SLC45A4: variants seen among roughly 807,000 people sequenced by gnomAD.
The protein encoded by SLC45A4 is polyamine-transporter SLC45A4.
SLC45A4 carries 32 observed loss-of-function variants against 63.7 expected under a neutral mutation model. The ratio of observed to expected loss-of-function variants is 0.50; its 90% CI spans 0.38 to 0.67. The LOEUF (loss-of-function observed/expected upper bound fraction) is 0.67. Ranked by LOEUF, SLC45A4 falls within the 30% of genes least tolerant of loss-of-function variation. SLC45A4 has a pLI of 0.00. For synonymous variants in SLC45A4, 535 were observed against 510.0 expected, an observed-to-expected ratio of 1.05 and a Z score of -0.66; for missense variants, 1,027 against 1,157.7, an observed-to-expected ratio of 0.89 and a Z score of 1.64.
intron 7 of SLC45A4, among the ~76,000 whole-genome samples, chr8:141,214,749 G>A (rs1382069967): frequency 6.6e-6 from 1 of 152,188 alleles, no homozygotes; most frequent in Non-Finnish European, 1.5e-5. Flanking sequence ...CGGAAGAGAA[G>A]AGAGCGGAAA....
intron 1 of SLC45A4, among the ~76,000 whole-genome samples, chr8:141,282,036 G>C (rs760681707): frequency 9.9e-5 from 15 of 152,274 alleles, no homozygotes; most frequent in East Asian, 1.9e-4. Flanking sequence ...GGGGCTCCCA[G>C]GATTGACCTC....
At chr8:141,295,561 AAAG>A (rs1445759926) in intron 1 of SLC45A4, among the ~76,000 whole-genome samples, 5 of 152,240 alleles carry the variant, frequency 3.3e-5, no homozygotes, top group African/African-American at 4.8e-5. Flanking sequence ...TCTAAGATGC[AAAG>A]AAGCTGGTCT....
chr8:141,228,812 AG>A (rs1173704068), intron 2 of SLC45A4, among the ~76,000 whole-genome samples: 1 of 152,160 alleles, frequency 6.6e-6, no homozygotes, highest in Non-Finnish European at 1.5e-5. Flanking sequence ...GAAGAGAGAA[AG>A]GAAAGTTCTA....
intron 1 of SLC45A4, among the ~76,000 whole-genome samples, chr8:141,268,252 T>C (rs771842064): frequency 1.3e-5 from 2 of 152,220 alleles, no homozygotes; most frequent in Non-Finnish European, 2.9e-5. Context: ...GACGACTTTC[T>C]GGAAGAGGCA....
intron 1 of SLC45A4, among the ~76,000 whole-genome samples, chr8:141,269,507 CGTGT>C (rs968067116): frequency 1.5e-4 from 22 of 145,334 alleles, no homozygotes; most frequent in Admixed American, 6.8e-5. Context: ...GCCTGTGTCG[CGTGT>C]GTGTATCGAT....
chr8:141,252,189 A>AT (rs1034279546), intron 2 of SLC45A4: 4 of 151,944 alleles, frequency 2.6e-5, no homozygotes, highest in African/African-American at 9.7e-5. Flanking sequence ...AAAATGACAG[A>AT]TTTTTTTAAA....
chr8:141,241,430 G>C (rs1017028438), intron 2 of SLC45A4, among the ~76,000 whole-genome samples: 1 of 152,202 alleles, frequency 6.6e-6, no homozygotes, highest in South Asian at 2.1e-4. Flanking sequence ...GGGAGGCTGC[G>C]GGACAGGAGT....
intron 2 of SLC45A4, among the ~76,000 whole-genome samples, chr8:141,239,573 A>G (rs1827798456): frequency 1.7e-5 from 1 of 59,820 alleles, no homozygotes; most frequent in Admixed American, 1.4e-4. Flanking sequence ...GCAGGAGCAA[A>G]GCACACACAC....
chr8:141,231,510 C>T (rs560038276), intron 2 of SLC45A4, among the ~76,000 whole-genome samples: 5 of 152,354 alleles, frequency 3.3e-5, no homozygotes, highest in Non-Finnish European at 4.4e-5. Context: ...AAGAGGGCCG[C>T]GCAGCTACCT....
In SLC45A4 at chr8:141,221,671, G is replaced by A. The variant is rs748921264; in HGVS notation, c.336C>T (p.Cys112=). The part of the protein sequence containing the change: ...TPLIGSASDR[C]TLSWGRRRPF... The stretch of plus-strand genomic sequence containing the variant: ...GCCGCCGGCGGCCCCAGCTCAGGGT[G>A]CACCGGTCACTCGCAGACCCAATGA... Residue 112 remains cysteine (C), a synonymous_variant, in exon 3 of 9, where the codon TGC becomes TGT. Transcript: ENST00000517878. 4.1e-5 allele frequency: 66 copies of A among 1,613,992 alleles called. No individual in the cohort carries two copies. In the Admixed American group the frequency reaches 5.2e-4, roughly 13 times the overall value.
intron 2 of SLC45A4, among the ~76,000 whole-genome samples, chr8:141,240,244 CG>C: frequency 6.6e-6 from 1 of 152,234 alleles, no homozygotes; most frequent in Admixed American, 6.5e-5. Flanking sequence ...TCACGATCTT[CG>C]TCGAGTGGAG....
In SLC45A4 at chr8:141,209,121, C is replaced by T. The variant is rs568194777; in HGVS notation, c.*2451G>A. 5.6e-4 allele frequency: 86 copies of T among 152,776 alleles called. No homozygotes were observed. The highest frequency in any genetic ancestry group is 1.8e-3 in the African/African-American group (76 of 41,590). The allele number at this position is 152,776 out of a possible 1,614,324, so 9.5% of individuals were successfully genotyped here. On this transcript the variant is annotated 3_prime_UTR_variant, in exon 9 of 9. Coordinates refer to ENST00000517878, the MANE Select transcript of SLC45A4 (RefSeq NM_001286646.2). ...ACCCGCACGGCCTCCTCGTCCCTCT[C>T]GGGCAAGGCTATCAGCCAGAGCACC...
At chr8:141,305,072 A>G (rs1830858758) in intron 1 of SLC45A4, among the ~76,000 whole-genome samples, 1 of 152,164 alleles carries the variant, frequency 6.6e-6, no homozygotes, top group Non-Finnish European at 1.5e-5. Context: ...AACATTAAAG[A>G]GGTCTCCCGG....
intron 1 of SLC45A4, among the ~76,000 whole-genome samples, chr8:141,285,092 C>T (rs1288983338): frequency 6.6e-6 from 1 of 152,238 alleles, no homozygotes; most frequent in African/African-American, 2.4e-5. Context: ...AGACTTCCCC[C>T]ACCTCACAGG....
At chr8:141,242,054 C>T (rs1827944402) in intron 2 of SLC45A4, among the ~76,000 whole-genome samples, 1 of 152,234 alleles carries the variant, frequency 6.6e-6, no homozygotes, top group Non-Finnish European at 1.5e-5. Flanking sequence ...GGGAGCCTAT[C>T]CTCAAGCTCC....
chr8:141,215,950 C>T lies in SLC45A4; in HGVS notation c.1750G>A (p.Asp584Asn). The T allele has an allele frequency of 6.2e-7, 1 of 1,613,832 alleles. No individual in the cohort carries two copies. The highest frequency in any genetic ancestry group is 8.5e-7 in the Non-Finnish European group (1 of 1,179,944). Residue 584 changes from aspartate to asparagine, a missense_variant, in exon 7 of 9, where the codon GAC becomes AAC. Coordinates refer to ENST00000517878, the MANE Select transcript of SLC45A4 (RefSeq NM_001286646.2). The surrounding 1 kb of genome is among the most constrained non-coding windows in gnomAD (Gnocchi z 4.3). ...ACCCTGACGCTCAGGTCGTAGTTGT[C>T]CAAGTACTTCTGTAACAGGGCTGCA... ...ICSALLQKYL[D>N]NYDLSVRVIY...
chr8:141,221,733 AC>A lies in SLC45A4; in HGVS notation c.273del (p.Trp91CysfsTer3). The A allele has an allele frequency of 6.2e-7, 1 of 1,614,000 alleles. No homozygotes were observed. On this transcript the variant is annotated frameshift_variant, in exon 3 of 9. Transcript: ENST00000517878. LOFTEE classifies it high-confidence loss of function. Reference sequence around the variant, plus strand: ...ATGAGGCCAAGGATGGGGCTCAGGAACCAGGTGAGGCTGTAGTACTGCTCCG... The same window carrying A: ...ATGAGGCCAAGGATGGGGCTCAGGAACAGGTGAGGCTGTAGTACTGCTCCG... ...GLPEQYYSLT[W>X]FLSPILGLIF...
intron 2 of SLC45A4, among the ~76,000 whole-genome samples, chr8:141,232,309 A>G (rs1398439338): frequency 6.6e-6 from 1 of 152,270 alleles, no homozygotes; most frequent in African/African-American, 2.4e-5. Context: ...CTTGGACAAG[A>G]TGACAGCAAA....
chr8:141,237,657 C>G (rs1292901677), intron 2 of SLC45A4, among the ~76,000 whole-genome samples: 1 of 152,122 alleles, frequency 6.6e-6, no homozygotes. Flanking sequence ...TGTCCCTCAC[C>G]GCCGCCCTCC....
Sources: allele counts gnomAD v4.1 joint callset (sites outside exome capture counted in the v4.1 genomes callset), GRCh38; gene constraint gnomAD v4.1.1; non-coding constraint Gnocchi (gnomAD v3.1); transcripts MANE v1.5; gene names NCBI Gene and HGNC (gene_info 2026-07-23, HGNC 2026-07-21).